Variants in METAP1D observed in about 807,000 individuals in gnomAD.
The protein encoded by METAP1D is methionyl aminopeptidase type 1D, mitochondrial, also known as methionine aminopeptidase 1D, mitochondrial.
Under a neutral mutation model 40.5 loss-of-function variants are expected in METAP1D, and 31 were observed. The observed-to-expected ratio is 0.77, with a 90% confidence interval of 0.58 to 1.03. The LOEUF is 1.03. Ranked by LOEUF, METAP1D falls within the 50% of genes least tolerant of loss-of-function variation. The pLI, the probability that METAP1D is intolerant of heterozygous loss-of-function variation, is 0.00. For synonymous variants in METAP1D, 151 were observed against 146.4 expected (o/e 1.03, Z -0.22); for missense variants, 411 against 420.7 (o/e 0.98, Z 0.20).
At chr2:172,037,012 C>T (rs1689409353) in intron 1 of METAP1D, among the ~76,000 whole-genome samples, 1 of 152,190 alleles carries the variant, frequency 6.6e-6, no homozygotes, top group South Asian at 2.1e-4. Flanking sequence ...GTAATTCCAG[C>T]ACTTTGGTAG....
intron 8 of METAP1D, among the ~76,000 whole-genome samples, chr2:172,079,639 A>G (rs1170222575): frequency 6.6e-6 from 1 of 152,108 alleles, no homozygotes; most frequent in Non-Finnish European, 1.5e-5. Context: ...GATTGGTATC[A>G]CCACCAAATT....
intron 1 of METAP1D, among the ~76,000 whole-genome samples, chr2:172,009,187 C>T (rs948660580): frequency 4.6e-5 from 7 of 151,738 alleles, no homozygotes; most frequent in African/African-American, 1.7e-4. Flanking sequence ...ACTAGGGGCG[C>T]CCACCACCGC....
chr2:172,062,043 GC>G (rs1356832611), intron 2 of METAP1D: 2 of 152,504 alleles, frequency 1.3e-5, no homozygotes, highest in Non-Finnish European at 2.9e-5. Context: ...ATTTTTTTAA[GC>G]CTGTTCTTAC....
intron 6 of METAP1D, among the ~76,000 whole-genome samples, chr2:172,077,308 G>C (rs1194848440): frequency 2.6e-5 from 4 of 152,152 alleles, no homozygotes; most frequent in Non-Finnish European, 5.9e-5. Context: ...TTGAAATAGA[G>C]CAGAAAAAGG....
chr2:172,003,360 C>G (rs1688506381), intron 1 of METAP1D, among the ~76,000 whole-genome samples: 1 of 152,176 alleles, frequency 6.6e-6, no homozygotes, highest in Admixed American at 6.5e-5. Flanking sequence ...TCACTGGAAT[C>G]CCAGGTCTAG....
intron 1 of METAP1D, among the ~76,000 whole-genome samples, chr2:172,038,686 G>T (rs1308653032): frequency 6.6e-6 from 1 of 152,048 alleles, no homozygotes; most frequent in Non-Finnish European, 1.5e-5. Flanking sequence ...GACTTGTGCG[G>T]CAAAAGGAAT....
intron 1 of METAP1D, among the ~76,000 whole-genome samples, chr2:172,013,195 C>T (rs1688768431): frequency 6.6e-6 from 1 of 152,210 alleles, no homozygotes; most frequent in Admixed American, 6.5e-5. Flanking sequence ...TGTGTGCGCT[C>T]CGGCTGTCGA....
At chr2:172,031,906 C>G (rs769387126) in intron 1 of METAP1D, among the ~76,000 whole-genome samples, 6 of 152,170 alleles carry the variant, frequency 3.9e-5, no homozygotes, top group Non-Finnish European at 8.8e-5. Flanking sequence ...GCCATTTGGT[C>G]GGCCTGATGG....
chr2:172,075,985 A>G lies in METAP1D; in HGVS notation c.705-1812A>G, dbSNP rs1296280687. On this transcript the variant is annotated intron_variant, in intron 6 of 9. Coordinates refer to ENST00000315796, the MANE Select transcript of METAP1D (RefSeq NM_199227.3). ...AATTGTTGTAGGAGAATGCTCTTAGATATCTTTAGCCACCTAGTAATTGCA... is the reference window on the plus strand; with the variant it reads ...AATTGTTGTAGGAGAATGCTCTTAGGTATCTTTAGCCACCTAGTAATTGCA... Among the ~76,000 whole-genome samples, 5 of 152,324 alleles carry G rather than the reference A, an allele frequency of 3.3e-5. No individual in the cohort carries two copies. In the East Asian group the frequency reaches 9.6e-4, roughly 29 times the overall value.
chr2:172,040,586 G>A (rs1689496240), intron 1 of METAP1D, among the ~76,000 whole-genome samples: 1 of 152,146 alleles, frequency 6.6e-6, no homozygotes, highest in African/African-American at 2.4e-5. Context: ...TAAATACACA[G>A]CGTTTTAGGA....
Position 172,063,872 on chromosome 2 carries a change from C to T in METAP1D, c.348+12C>T, listed in dbSNP as rs371678313. ...GGAAGAGTTTAAAGGTGGCGTCTCA[C>T]CAAGCCTCAGAACGACTTACATAAG... On this transcript the variant is annotated intron_variant, in intron 3 of 9. Coordinates refer to ENST00000315796, the MANE Select transcript of METAP1D (RefSeq NM_199227.3). 38 of 1,600,322 alleles carry T rather than the reference C, an allele frequency of 2.4e-5. 1 individual carries two copies. In the East Asian group the frequency reaches 4.5e-4, roughly 19 times the overall value.
chr2:172,069,355 A>G (rs765775560), intron 5 of METAP1D, among the ~76,000 whole-genome samples: 4 of 152,190 alleles, frequency 2.6e-5, no homozygotes, highest in Non-Finnish European at 5.9e-5. Flanking sequence ...AGCAAATTTT[A>G]TATTCTTGTA....
chr2:172,012,766 C>T (rs112546441), intron 1 of METAP1D, among the ~76,000 whole-genome samples: 23 of 152,170 alleles, frequency 1.5e-4, no homozygotes, highest in African/African-American at 5.1e-4. Flanking sequence ...GAGATTCATA[C>T]TGCTTATGCT....
chr2:172,076,302 G>A (rs1690544354), intron 6 of METAP1D, among the ~76,000 whole-genome samples: 1 of 147,896 alleles, frequency 6.8e-6, no homozygotes, highest in South Asian at 2.2e-4. Flanking sequence ...TATAGGTTTA[G>A]GGAGAAACTG....
chr2:172,062,539 T>TGACAGCCC (rs1234272872), intron 2 of METAP1D, among the ~76,000 whole-genome samples: 2 of 152,252 alleles, frequency 1.3e-5, no homozygotes, highest in African/African-American at 4.8e-5. Context: ...AATTTCAGCA[T>TGACAGCCC]GACAGCCCAA....
Position 172,063,800 on chromosome 2 carries a change from G to C in METAP1D, c.288G>C (p.Gly96=). 3 of 1,614,014 alleles carry C rather than the reference G, an allele frequency of 1.9e-6. No homozygotes were observed. The highest frequency in any genetic ancestry group is 2.5e-6 in the Non-Finnish European group (3 of 1,179,958). The part of the protein sequence containing the change: ...IEVKNEDQIQ[G]LHQACQLARH... ...TTAAGAATGAAGATCAGATTCAAGG[G>C]CTTCATCAGGCTTGTCAGCTGGCCC... is the stretch of plus-strand genomic sequence containing the variant. Residue 96 remains glycine, a synonymous_variant, in exon 3 of 10, where the codon GGG becomes GGC. Coordinates refer to ENST00000315796, the MANE Select transcript of METAP1D (RefSeq NM_199227.3).
chr2:172,040,864 A>G (rs1324569354), intron 1 of METAP1D, among the ~76,000 whole-genome samples: 1 of 148,052 alleles, frequency 6.8e-6, no homozygotes, highest in African/African-American at 2.5e-5. Flanking sequence ...TTCCTGCCTC[A>G]GCCTCCTGAG....
chr2:172,022,158 A>G (rs1473272053), intron 1 of METAP1D, among the ~76,000 whole-genome samples: 2 of 152,194 alleles, frequency 1.3e-5, no homozygotes, highest in Non-Finnish European at 2.9e-5. Context: ...GTTGTGACTG[A>G]TAAACATGAT....
At chr2:172,032,453 A>C (rs1689262087) in intron 1 of METAP1D, among the ~76,000 whole-genome samples, 1 of 152,172 alleles carries the variant, frequency 6.6e-6, no homozygotes, top group African/African-American at 2.4e-5. Context: ...GGAACACTGA[A>C]TTTGTTGTTG....
Sources: gnomAD v4.1 joint callset for allele counts (sites outside exome capture counted in the v4.1 genomes callset) on GRCh38, gnomAD v4.1.1 for gene constraint, MANE v1.5 for transcripts, NCBI Gene and HGNC (gene_info 2026-07-23, HGNC 2026-07-21) for gene names.